The following LRRK2 variants were observed in gnomAD, a reference collection of about 807,000 sequenced individuals.
LRRK2 encodes leucine rich repeat kinase 2.
In LRRK2, 203 loss-of-function variants were observed where a neutral mutation model predicts 302.6. That is an observed-to-expected ratio of 0.67 (90% CI 0.60 to 0.75). LRRK2 has a LOEUF of 0.75. Ranked by LOEUF, LRRK2 falls within the 30% of genes least tolerant of loss-of-function variation. The pLI is 0.00. For missense variants in LRRK2, 2,830 were observed against 2,951.0 expected (o/e 0.96, Z 0.95); for synonymous variants, 1,066 against 1,031.9 (o/e 1.03, Z -0.63).
In LRRK2 at chr12:40,314,169, A is replaced by C; in HGVS notation, c.4734A>C (p.Glu1578Asp). 1 of 1,612,168 alleles carries C rather than the reference A, an allele frequency of 6.2e-7. No individual in the cohort carries two copies. The highest frequency in any genetic ancestry group is 8.5e-7 in the Non-Finnish European group (1 of 1,178,658). The change falls in exon 32 of 51, where the codon GAA (glutamate) becomes GAC (aspartate). Residue 1578 changes from glutamate (E) to aspartate (D), a missense_variant. Physicochemically the swap from Glu to Asp is conservative, Grantham distance 45. This residue lies in a region of LRRK2 where 2,121 missense variants were observed against 2,148.0 expected (regional missense o/e 0.99). Transcript: ENST00000298910. ...CTCACGCAGTTCACTTTCTAAATGA[A>C]TCAGGTTTGTGTTTTTCGTTCCTTA... The part of the protein sequence containing the change: ...ELPHAVHFLN[E>D]SGVLLHFQDP...
intron 19 of LRRK2, among the ~76,000 whole-genome samples, chr12:40,285,822 CACAG>C (rs1303784720): frequency 1.3e-5 from 2 of 151,704 alleles, no homozygotes; most frequent in Non-Finnish European, 2.9e-5. Context: ...AAAAAAAGGG[CACAG>C]ACAGTGTTTT....
At chr12:40,261,045 C>T (rs995422669) in intron 13 of LRRK2, among the ~76,000 whole-genome samples, 1 of 151,854 alleles carries the variant, frequency 6.6e-6, no homozygotes, top group Non-Finnish European at 1.5e-5. Context: ...TTTTTCTGGG[C>T]CCCCCAGTCC....
At chr12:40,273,165 ATATTTCT>A (rs1444532326) in intron 14 of LRRK2, among the ~76,000 whole-genome samples, 1 of 152,132 alleles carries the variant, frequency 6.6e-6, no homozygotes, top group Non-Finnish European at 1.5e-5. Flanking sequence ...GAATTTCTTT[ATATTTCT>A]TGAATAAAAG....
chr12:40,341,389 T>A (rs1946039736), intron 41 of LRRK2, among the ~76,000 whole-genome samples: 2 of 152,204 alleles, frequency 1.3e-5, no homozygotes, highest in African/African-American at 4.8e-5. Context: ...TGTACTTAGA[T>A]AAGCAAATGG....
chr12:40,335,045 G>T lies in LRRK2; in HGVS notation c.5836G>T (p.Val1946Leu). ...LAAGIRPRML[V>L]MELASKGSLD... ...AGCTGGGATTCGTCCCCGGATGTTG[G>T]TGATGGAGTTAGCCTCCAAGGGTTC... is the stretch of plus-strand genomic sequence containing the variant. The change falls in exon 40 of 51, where the codon GTG (valine) becomes TTG (leucine). Residue 1946 changes from valine (V) to leucine (L), a missense_variant. Val to Leu is a conservative substitution (Grantham distance 32). Transcript: ENST00000298910. The T allele has an allele frequency of 6.2e-7, 1 of 1,614,136 alleles. No individual in the cohort carries two copies. Among genetic ancestry groups the T allele is most frequent in the Non-Finnish European group, 8.5e-7 (1 of 1,180,000 alleles).
At chr12:40,229,955 CTTTTTTTTTTTTTT>C (rs71078229) in intron 2 of LRRK2, among the ~76,000 whole-genome samples, 9 of 92,902 alleles carry the variant, frequency 9.7e-5, no homozygotes, top group African/African-American at 1.9e-4. Context: ...TCCTATGTGA[CTTTTTTTTTTTTTT>C]TTTTTTTTTT....
intron 31 of LRRK2, among the ~76,000 whole-genome samples, chr12:40,311,653 G>A (rs1318795993): frequency 1.3e-5 from 2 of 152,174 alleles, no homozygotes; most frequent in African/African-American, 4.8e-5. Flanking sequence ...ATGCTGGCCA[G>A]TTAGCTTAGT....
intron 30 of LRRK2, 49 bp downstream of exon 30, chr12:40,309,282 G>GTT (rs1565738390): frequency 2.2e-5 from 33 of 1,523,206 alleles, no homozygotes; most frequent in Non-Finnish European, 2.7e-5. Flanking sequence ...ATGTGTCTGT[G>GTT]TGCGTGTGTG....
At chr12:40,271,758 A>T (rs537914229) in intron 14 of LRRK2, among the ~76,000 whole-genome samples, 6 of 152,272 alleles carry the variant, frequency 3.9e-5, no homozygotes, top group African/African-American at 1.2e-4. Flanking sequence ...TCAAATGCTC[A>T]TATTTAAAAT....
intron 39 of LRRK2, among the ~76,000 whole-genome samples, chr12:40,329,080 TAAACTA>T (rs1945634329): frequency 6.6e-6 from 1 of 152,198 alleles, no homozygotes; most frequent in Admixed American, 6.5e-5. Flanking sequence ...TTAGAAATCT[TAAACTA>T]AAACTCTCAC....
Position 40,303,999 on chromosome 12 carries a change from C to A in LRRK2, c.3642C>A (p.Pro1214=). The A allele has an allele frequency of 6.2e-7, 1 of 1,613,710 alleles. No individual in the cohort carries two copies. Among genetic ancestry groups the A allele is most frequent in the Admixed American group, 1.7e-5 (1 of 59,966 alleles). Residue 1214 remains proline, a synonymous_variant, in exon 27 of 51, where the codon CCC becomes CCA. Transcript: ENST00000298910. ...ATGATATTCAGTACCTACCAGGTCC[C>A]GCACACTGGAAATCTTTGAACTTAA... is the stretch of plus-strand genomic sequence containing the variant. The part of the protein sequence containing the change: ...SSNDIQYLPG[P]AHWKSLNLRE...
intron 13 of LRRK2, among the ~76,000 whole-genome samples, chr12:40,261,522 ATTC>A (rs1342658778): frequency 6.6e-6 from 1 of 152,150 alleles, no homozygotes; most frequent in East Asian, 1.9e-4. Flanking sequence ...ATGTAAGTAC[ATTC>A]TTCTAGTAGG....
Position 40,328,463 on chromosome 12 carries a change from A to G in LRRK2, c.5757+3A>G. ...CATCACTCAGGCTGTTAAGACAAGT[A>G]AGAAATTCAATAATATAATTATATT... On this transcript the variant is annotated splice_donor_region_variant and intron_variant, in intron 39 of 50. Transcript: ENST00000298910. The G allele has an allele frequency of 6.4e-7, 1 of 1,572,832 alleles. No individual in the cohort carries two copies. Among genetic ancestry groups the G allele is most frequent in the Admixed American group, 1.7e-5 (1 of 59,846 alleles).
intron 21 of LRRK2, 51 bp downstream of exon 21, chr12:40,293,714 C>A: frequency 8.4e-7 from 1 of 1,186,140 alleles, no homozygotes; most frequent in African/African-American, 1.5e-5. Context: ...TGCTGACATT[C>A]TCTTGATAAC....
intron 25 of LRRK2, chr12:40,301,056 T>C (rs1944606714): frequency 2.2e-6 from 1 of 459,012 alleles, no homozygotes; most frequent in Non-Finnish European, 4.4e-6. Flanking sequence ...TTTTGTGTGA[T>C]GCTTACAGGT....
Position 40,357,199 on chromosome 12 carries a change from C to G in LRRK2, c.6843+1012C>G, listed in dbSNP as rs558875182. Among the ~76,000 whole-genome samples, 3 of 152,292 alleles carry G rather than the reference C, an allele frequency of 2.0e-5. No individual in the cohort carries two copies. In the South Asian group the frequency reaches 6.2e-4, roughly 32 times the overall value. ...GTGAGTACATGTGATATTTGTCTTT[C>G]TGTGCTTGGCTTATTTCACTTAACA... On this transcript the variant is annotated intron_variant, in intron 46 of 50. Coordinates refer to ENST00000298910, the MANE Select transcript of LRRK2 (RefSeq NM_198578.4).
intron 8 of LRRK2, 79 bp downstream of exon 8, chr12:40,250,024 T>G (rs1378121321): frequency 1.9e-6 from 3 of 1,551,252 alleles, no homozygotes; most frequent in Non-Finnish European, 2.6e-6. Context: ...GAGAATCATA[T>G]GTACAGATGG....
At chr12:40,356,214 A>G (rs200121218) in intron 46 of LRRK2, 27 bp downstream of exon 46, 2 of 1,528,262 alleles carry the variant, frequency 1.3e-6, no homozygotes, top group African/African-American at 2.7e-5. Flanking sequence ...TTCTACATCT[A>G]AATTTATTTT....
At chr12:40,254,980 A>T (rs1359917335) in intron 11 of LRRK2, among the ~76,000 whole-genome samples, 2 of 152,166 alleles carry the variant, frequency 1.3e-5, no homozygotes, top group Non-Finnish European at 2.9e-5. Context: ...ATGTTTTTAG[A>T]AAAAATGGCT....
Sources: gnomAD v4.1 joint callset for allele counts (sites outside exome capture counted in the v4.1 genomes callset) on GRCh38, gnomAD v4.1.1 for gene constraint, gnomAD v4.1.1 regional missense constraint, MANE v1.5 for transcripts, NCBI Gene and HGNC (gene_info 2026-07-23, HGNC 2026-07-21) for gene names.